The following NOS3 variants were observed in gnomAD, a reference collection of about 807,000 sequenced individuals.
NOS3 encodes the protein nitric oxide synthase 3, also known as NOS type III.
A neutral mutation model predicts 144.9 loss-of-function variants in NOS3; 98 were observed. The ratio of observed to expected loss-of-function variants is 0.68; its 90% CI spans 0.57 to 0.80. The LOEUF is 0.80. Ranked by LOEUF, NOS3 falls within the 30% of genes least tolerant of loss-of-function variation. NOS3 has a pLI of 0.00. For synonymous variants in NOS3, 714 were observed against 702.4 expected, an observed-to-expected ratio of 1.02 and a Z score of -0.26; for missense variants, 1,465 against 1,656.4, an observed-to-expected ratio of 0.88 and a Z score of 2.01.
rs1795157898 is a variant in NOS3 at position 151,003,472 on chromosome 7, C to T, written c.1752+1168C>T. ...GAATCTCGTGAAACCCTTTTTGCTG[C>T]CTTAGTGTCCGTTTCAGCCCTCATT... On this transcript the variant is annotated intron_variant, in intron 14 of 26. Transcript: ENST00000297494. The surrounding 1 kb of genome is among the most constrained non-coding windows in gnomAD (Gnocchi z 4.1). 1 of 1,225,250 alleles carries T rather than the reference C, an allele frequency of 8.2e-7. No homozygotes were observed. The highest frequency in any genetic ancestry group is 1.0e-6 in the Non-Finnish European group (1 of 953,808). 75.9% of individuals were successfully genotyped at this position (1,225,250 alleles called of 1,614,324 possible). A position where few individuals can be genotyped will look rare whatever the true frequency, so the allele number is the denominator to read the frequency against.
intron 10 of NOS3, 68 bp from the exon 11 acceptor site, chr7:151,001,163 T>A: frequency 6.6e-7 from 1 of 1,521,160 alleles, no homozygotes; most frequent in South Asian, 1.1e-5. Context: ...GTGACCGGAG[T>A]GGTGGAGGAA....
chr7:151,006,800 G>T lies in NOS3; in HGVS notation c.1821-89G>T. On this transcript the variant is annotated intron_variant, in intron 15 of 26. Transcript: ENST00000297494. The stretch of plus-strand genomic sequence containing the variant: ...GGGCCTTTCCTGTCCCAGAGGCAGA[G>T]ACCCTGAAGCCGTCCCTGGGGCTGG... The T allele has an allele frequency of 3.8e-6, 4 of 1,043,414 alleles. No individual in the cohort carries two copies. The East Asian group carries it at 9.5e-5, about 25-fold the overall frequency. 64.6% of individuals were successfully genotyped at this position (1,043,414 alleles called of 1,614,324 possible).
At chr7:150,999,759 G>T in intron 9 of NOS3, among the ~76,000 whole-genome samples, 1 of 149,110 alleles carries the variant, frequency 6.7e-6, no homozygotes, top group South Asian at 2.2e-4. Flanking sequence ...GTAGGTGACT[G>T]TGGGTTTGTG....
chr7:151,000,018 A>G (rs1795049540), intron 9 of NOS3, among the ~76,000 whole-genome samples: 1 of 106,594 alleles, frequency 9.4e-6, no homozygotes, highest in South Asian at 3.4e-4. Flanking sequence ...CGAGTGTGAG[A>G]GTGTAGGTAT....
At position 151,006,840 on chromosome 7, in the gene NOS3, T is replaced by A. The variant is rs3918192; in HGVS notation, c.1821-49T>A. On this transcript the variant is annotated intron_variant, in intron 15 of 26. Coordinates refer to ENST00000297494, the MANE Select transcript of NOS3 (RefSeq NM_000603.5). ...CCTGGGGCTGGGGCTGGGCCTAGCC[T>A]GTATCCCCAGGGCCCTGTGACAACC... is the stretch of plus-strand genomic sequence containing the variant. The A allele has an allele frequency of 2.1e-3, 3,064 of 1,450,972 alleles. 57 individuals carry two copies. The African/African-American group carries it at 0.037, about 18-fold the overall frequency. 89.9% of individuals were successfully genotyped at this position (1,450,972 alleles called of 1,614,324 possible). A position where few individuals can be genotyped will look rare whatever the true frequency, so the allele number is the denominator to read the frequency against.
intron 25 of NOS3, 127 bp from the exon 26 acceptor site, chr7:151,013,597 C>T: frequency 9.5e-7 from 1 of 1,055,390 alleles, no homozygotes; most frequent in Non-Finnish European, 1.3e-6. Flanking sequence ...GTTGACACCG[C>T]CCCAGGGCAC....
chr7:151,008,674 G>A (rs970004395), intron 17 of NOS3, among the ~76,000 whole-genome samples: 1 of 152,170 alleles, frequency 6.6e-6, no homozygotes, highest in African/African-American at 2.4e-5. Flanking sequence ...ATGCTTCTCG[G>A]ATCACGGGAT....
At chr7:151,004,590 T>G (rs545891283) in intron 14 of NOS3, among the ~76,000 whole-genome samples, 3 of 152,284 alleles carry the variant, frequency 2.0e-5, no homozygotes, top group East Asian at 1.9e-4. Context: ...TATATTCAAG[T>G]GCCATATCGC....
At position 151,012,366 on chromosome 7, in the gene NOS3, G is replaced by A. The variant is rs1352453528; in HGVS notation, c.3000G>A (p.Arg1000=). ...CTCCTGCCAGGGCTCCCTCCTTCCGGCTGCCACCCGATCCCAGCTTGCCCT... is the reference window on the plus strand; with the variant it reads ...CTCCTGCCAGGGCTCCCTCCTTCCGACTGCCACCCGATCCCAGCTTGCCCT... ...PCFIRGAPSF[R]LPPDPSLPCI... Residue 1000 remains arginine (R), a synonymous_variant, in exon 24 of 27, where the codon CGG becomes CGA. Transcript: ENST00000297494. 2 of 1,571,444 alleles carry A rather than the reference G, an allele frequency of 1.3e-6. No homozygotes were observed. The highest frequency in any genetic ancestry group is 1.7e-6 in the Non-Finnish European group (2 of 1,157,882).
At position 151,002,619 on chromosome 7, in the gene NOS3, A is replaced by G. The variant is rs113866928; in HGVS notation, c.1752+315A>G. 5.8e-3 allele frequency among the ~76,000 whole-genome samples: 887 copies of G among 152,264 alleles called. 7 individuals carry two copies. The highest frequency in any genetic ancestry group is 8.0e-3 in the Non-Finnish European group (544 of 68,024). ...TGCAAGTTTTTAATACAAGGAAGGC[A>G]CATCCTGGCTGACCAAGAGGTTAGA... On this transcript the variant is annotated intron_variant, in intron 14 of 26. Transcript: ENST00000297494. The surrounding 1 kb of genome is among the most constrained non-coding windows in gnomAD (Gnocchi z 4.1).
Position 151,000,481 on chromosome 7 carries a change from A to T in NOS3, c.1132-17A>T, listed in dbSNP as rs769055995. The stretch of plus-strand genomic sequence containing the variant: ...TCACCTCTGTCCCTACCGATGCCAC[A>T]CACCCTTCTGCCCCAGGATGTGGCT... On this transcript the variant is annotated splice_polypyrimidine_tract_variant and intron_variant, in intron 9 of 26. Transcript: ENST00000297494. 2 of 1,548,814 alleles carry T rather than the reference A, an allele frequency of 1.3e-6. No individual in the cohort carries two copies. The highest frequency in any genetic ancestry group is 1.8e-6 in the Non-Finnish European group (2 of 1,121,058).
Position 151,003,527 on chromosome 7 carries a change from C to T in NOS3, c.1752+1223C>T. 1 of 1,266,542 alleles carries T rather than the reference C, an allele frequency of 7.9e-7. No homozygotes were observed. Among genetic ancestry groups the T allele is most frequent in the Non-Finnish European group, 1.0e-6 (1 of 968,376 alleles). The allele number at this position is 1,266,542 out of a possible 1,614,324, so 78.5% of individuals were successfully genotyped here. A position where few individuals can be genotyped will look rare whatever the true frequency, so the allele number is the denominator to read the frequency against. On this transcript the variant is annotated intron_variant, in intron 14 of 26. Coordinates refer to ENST00000297494, the MANE Select transcript of NOS3 (RefSeq NM_000603.5). The surrounding 1 kb of genome is among the most constrained non-coding windows in gnomAD (Gnocchi z 4.1). The stretch of plus-strand genomic sequence containing the variant: ...CCTACCTTTTCAAGAAAAATAGCAC[C>T]AGCAATTGACTTTTTTTTAGCATAA...
intron 23 of NOS3, chr7:151,012,123 T>A: frequency 2.0e-6 from 1 of 496,654 alleles, no homozygotes; most frequent in Non-Finnish European, 3.6e-6. Flanking sequence ...CTGAGTCATC[T>A]AAGTATTCTT....
chr7:151,013,439 G>A (rs1266266630), intron 25 of NOS3, 60 bp downstream of exon 25: 1 of 1,546,198 alleles, frequency 6.5e-7, no homozygotes, highest in Non-Finnish European at 8.7e-7. Flanking sequence ...GAGGACTCGC[G>A]CTCTCCAGCG....
chr7:151,010,720 C>A lies in NOS3; in HGVS notation c.2809C>A (p.Pro937Thr). The A allele has an allele frequency of 6.2e-7, 1 of 1,613,186 alleles. No individual in the cohort carries two copies. Among genetic ancestry groups the A allele is most frequent in the Non-Finnish European group, 8.5e-7 (1 of 1,179,660 alleles). ...CCTCACCCAGCTGCCTCTGCTCCAGCCCCGGTACTACTCAGTCAGCTCGGC... is the reference window on the plus strand; with the variant it reads ...CCTCACCCAGCTGCCTCTGCTCCAGACCCGGTACTACTCAGTCAGCTCGGC... Reference protein sequence around the residue: ...LLLTQLPLLQPRYYSVSSAPS... With the variant: ...LLLTQLPLLQTRYYSVSSAPS... The change falls in exon 22 of 27, where the codon CCC (proline) becomes ACC (threonine). Residue 937 changes from proline to threonine, a missense_variant. Physicochemically the swap from Pro to Thr is conservative, Grantham distance 38. This residue lies in a region of NOS3 where 106 missense variants were observed against 167.7 expected (regional missense o/e 0.63). Transcript: ENST00000297494.
chr7:151,001,932 G>A lies in NOS3; in HGVS notation c.1614G>A (p.Leu538=). The change falls in exon 13 of 27, where the codon CTG becomes CTA. Residue 538 remains leucine, a synonymous_variant. Transcript: ENST00000297494. The stretch of plus-strand genomic sequence containing the variant: ...GGGCCCAGAGCTACGCACAGCAGCT[G>A]GGGAGACTCTTCCGGAAGGCTTTTG... The part of the protein sequence containing the change: ...TGRAQSYAQQ[L]GRLFRKAFDP... The A allele has an allele frequency of 6.2e-7, 1 of 1,613,544 alleles. No individual in the cohort carries two copies. Among genetic ancestry groups the A allele is most frequent in the Non-Finnish European group, 8.5e-7 (1 of 1,180,024 alleles).
At position 151,008,840 on chromosome 7, in the gene NOS3, G is replaced by C. The variant is rs1795245615; in HGVS notation, c.2113-90G>C. On this transcript the variant is annotated intron_variant, in intron 17 of 26. Transcript: ENST00000297494. The stretch of plus-strand genomic sequence containing the variant: ...AGCCACTGGGGCTGCCAACCCCCCA[G>C]GAGCAAGACGCAGTGAAGCCGCCCA... 5 of 1,421,118 alleles carry C rather than the reference G, an allele frequency of 3.5e-6. No individual in the cohort carries two copies. In the South Asian group the frequency reaches 4.5e-5, roughly 13 times the overall value. 88.0% of individuals were successfully genotyped at this position (1,421,118 alleles called of 1,614,324 possible). A position where few individuals can be genotyped will look rare whatever the true frequency, so the allele number is the denominator to read the frequency against.
rs1224918607 is a variant in NOS3 at position 150,998,618 on chromosome 7, G to A, written c.754G>A (p.Ala252Thr). The A allele has an allele frequency of 3.1e-6, 5 of 1,608,932 alleles. No homozygotes were observed. Among genetic ancestry groups the A allele is most frequent in the East Asian group, 4.5e-5 (2 of 44,744 alleles). ...RIWNSQLVRY[A>T]GYRQQDGSVR... ...CTGGAACAGCCAGCTGGTGCGCTAC[G>A]CGGGCTACCGGCAGCAGGATGGCTC... The change falls in exon 7 of 27, where the codon GCG becomes ACG. Residue 252 changes from alanine (A) to threonine (T), a missense_variant. Coordinates refer to ENST00000297494, the MANE Select transcript of NOS3 (RefSeq NM_000603.5). This position sits in a 1 kb window ranked among gnomAD's most constrained non-coding sequence, Gnocchi z 5.0.
At chr7:150,996,689 A>C in intron 4 of NOS3, 74 bp from the exon 5 acceptor site, 1 of 1,531,242 alleles carries the variant, frequency 6.5e-7, no homozygotes. Context: ...CAGCACTTGC[A>C]CAAAGCCTGG....
Sources: gnomAD v4.1 joint callset for allele counts (sites outside exome capture counted in the v4.1 genomes callset) on GRCh38, gnomAD v4.1.1 for gene constraint, gnomAD v4.1.1 regional missense constraint, Gnocchi (gnomAD v3.1) non-coding constraint, MANE v1.5 for transcripts, NCBI Gene and HGNC (gene_info 2026-07-23, HGNC 2026-07-21) for gene names.